The following PTPRG variants were observed in gnomAD, a reference collection of about 807,000 sequenced individuals.
PTPRG encodes the protein protein tyrosine phosphatase receptor type G, also known as receptor-type tyrosine-protein phosphatase gamma.
PTPRG carries 102 observed loss-of-function variants against 165.3 expected under a neutral mutation model. The ratio of observed to expected loss-of-function variants is 0.62; its 90% CI spans 0.53 to 0.73. The LOEUF is 0.73. Ranked by LOEUF, PTPRG falls within the 30% of genes least tolerant of loss-of-function variation. The pLI is 0.00. For missense variants in PTPRG, 1,866 were observed against 1,861.4 expected (o/e 1.00, Z -0.05); for synonymous variants, 675 against 669.5 (o/e 1.01, Z -0.13).
intron 1 of PTPRG, among the ~76,000 whole-genome samples, chr3:61,686,960 AC>A (rs1703653781): frequency 6.6e-6 from 1 of 151,964 alleles, no homozygotes; most frequent in African/African-American, 2.4e-5. Flanking sequence ...TTATACTTTG[AC>A]TTTGATTTAT....
chr3:61,647,760 C>T (rs565532779), intron 1 of PTPRG, among the ~76,000 whole-genome samples: 123 of 123,682 alleles, frequency 9.9e-4, no homozygotes, highest in Non-Finnish European at 1.8e-3. Context: ...CCACTGCACT[C>T]CAGCCTGGGT....
chr3:61,981,625 G>T (rs752188277), intron 2 of PTPRG, among the ~76,000 whole-genome samples: 1 of 152,152 alleles, frequency 6.6e-6, no homozygotes, highest in Non-Finnish European at 1.5e-5. Context: ...CATCCTTGTG[G>T]TTACTTTTAG....
In PTPRG at chr3:62,128,274, T is replaced by C. The variant is rs547836684; in HGVS notation, c.616-4328T>C. Among the ~76,000 whole-genome samples, 8 of 152,272 alleles carry C rather than the reference T, an allele frequency of 5.3e-5. No individual in the cohort carries two copies. In the South Asian group the frequency reaches 1.4e-3, roughly 28 times the overall value. On this transcript the variant is annotated intron_variant, in intron 5 of 29. Coordinates refer to ENST00000474889, the MANE Select transcript of PTPRG (RefSeq NM_002841.4). ...GTCCATTTTAAGCTCATTTGTGCAA[T>C]TGCTGCCTTCTCCGTATTACTGCAT...
At chr3:61,647,879 C>T (rs1331532636) in intron 1 of PTPRG, among the ~76,000 whole-genome samples, 1 of 150,328 alleles carries the variant, frequency 6.7e-6, no homozygotes, top group Non-Finnish European at 1.5e-5. Context: ...ATGTTTGGTG[C>T]CCTTGATGCC....
chr3:62,077,111 C>A (rs1255918125), intron 4 of PTPRG, among the ~76,000 whole-genome samples: 9 of 152,064 alleles, frequency 5.9e-5, no homozygotes, highest in Admixed American at 3.3e-4. Context: ...ACAGAAAATA[C>A]ACAAATTAGC....
chr3:61,992,738 T>C (rs1199281145), intron 3 of PTPRG, among the ~76,000 whole-genome samples: 1 of 152,136 alleles, frequency 6.6e-6, no homozygotes, highest in Non-Finnish European at 1.5e-5. Context: ...GCCAGACTGC[T>C]CTGGAACTCC....
chr3:61,978,916 T>G (rs188866350), intron 2 of PTPRG, among the ~76,000 whole-genome samples: 5 of 152,308 alleles, frequency 3.3e-5, no homozygotes, highest in African/African-American at 1.2e-4. Context: ...AGATCTGGAA[T>G]TGACTGTTTG....
At chr3:62,257,820 G>A (rs1328370413) in intron 16 of PTPRG, among the ~76,000 whole-genome samples, 2 of 152,096 alleles carry the variant, frequency 1.3e-5, no homozygotes. Flanking sequence ...TTAGCCAGGT[G>A]TGGTGACGCA....
intron 5 of PTPRG, among the ~76,000 whole-genome samples, chr3:62,116,147 C>G (rs894399645): frequency 2.6e-5 from 4 of 152,066 alleles, no homozygotes; most frequent in Non-Finnish European, 4.4e-5. Context: ...GAGCCCAGAA[C>G]CCAAACCTGA....
At chr3:61,972,392 G>A (rs187819380) in intron 2 of PTPRG, among the ~76,000 whole-genome samples, 1 of 152,008 alleles carries the variant, frequency 6.6e-6, no homozygotes, top group African/African-American at 2.4e-5. Context: ...GAATGATGTA[G>A]CATGCTGTTG....
intron 2 of PTPRG, among the ~76,000 whole-genome samples, chr3:61,830,566 GTTTTTTTTTTTTTTT>G (rs57644199): frequency 2.3e-5 from 2 of 86,500 alleles, no homozygotes; most frequent in African/African-American, 8.3e-5. Flanking sequence ...TTTTGTTTTT[GTTTTTTTTTTTTTTT>G]TTTTTTTTTG....
intron 2 of PTPRG, among the ~76,000 whole-genome samples, chr3:61,986,425 G>A (rs1575852713): frequency 1.3e-5 from 2 of 152,120 alleles, no homozygotes; most frequent in Admixed American, 1.3e-4. Flanking sequence ...CTCACGAAGG[G>A]ACGTTTACCC....
At chr3:61,570,208 C>T (rs908345792) in intron 1 of PTPRG, among the ~76,000 whole-genome samples, 1 of 151,812 alleles carries the variant, frequency 6.6e-6, no homozygotes, top group Non-Finnish European at 1.5e-5. Flanking sequence ...AGCTACAGAG[C>T]ATATGAGAGA....
At chr3:61,861,214 T>C (rs150287703) in intron 2 of PTPRG, among the ~76,000 whole-genome samples, 1 of 152,308 alleles carries the variant, frequency 6.6e-6, no homozygotes, top group East Asian at 1.9e-4. Flanking sequence ...GCCTGTATTA[T>C]GATAGTTTCA....
chr3:61,752,807 A>AAAAAAAAAAAG (rs2033494560), intron 2 of PTPRG, among the ~76,000 whole-genome samples: 1 of 134,146 alleles, frequency 7.5e-6, no homozygotes, highest in Non-Finnish European at 1.7e-5. Flanking sequence ...AAAAAGAAAA[A>AAAAAAAAAAAG]AAAAAAGAAA....
intron 2 of PTPRG, among the ~76,000 whole-genome samples, chr3:61,787,791 G>A (rs146529852): frequency 3.3e-5 from 5 of 152,244 alleles, no homozygotes; most frequent in African/African-American, 9.6e-5. Flanking sequence ...AACAGTTTCC[G>A]TTTATTACGG....
At chr3:62,261,137 C>T (rs1386969068) in intron 16 of PTPRG, 2 of 152,170 alleles carry the variant, frequency 1.3e-5, no homozygotes, top group Non-Finnish European at 2.9e-5. Context: ...AAGTAAATCT[C>T]AGACTAAGGT....
intron 4 of PTPRG, among the ~76,000 whole-genome samples, chr3:62,067,112 C>T (rs1005703562): frequency 4.0e-5 from 6 of 151,762 alleles, no homozygotes; most frequent in Non-Finnish European, 1.5e-5. Flanking sequence ...TGATCCTCCC[C>T]CTCAAGGTTC....
intron 2 of PTPRG, among the ~76,000 whole-genome samples, chr3:61,778,607 C>T (rs2034454536): frequency 6.6e-6 from 1 of 152,094 alleles, no homozygotes; most frequent in South Asian, 2.1e-4. Context: ...CCCTATTCTC[C>T]TGCCTCAACT....
Sources: allele counts gnomAD v4.1 joint callset (sites outside exome capture counted in the v4.1 genomes callset), GRCh38; gene constraint gnomAD v4.1.1; transcripts MANE v1.5; gene names NCBI Gene and HGNC (gene_info 2026-07-23, HGNC 2026-07-21).